The following GRIP1 variants were observed in gnomAD, a reference collection of about 807,000 sequenced individuals.
The protein encoded by GRIP1 is glutamate receptor-interacting protein 1.
In GRIP1, 45 loss-of-function variants were observed where a neutral mutation model predicts 129.9. That is an observed-to-expected ratio of 0.35 (90% CI 0.27 to 0.44). GRIP1 has a LOEUF of 0.44. Among genes scored for constraint, GRIP1 ranks in the 20% least tolerant of loss-of-function variants. The probability of loss-of-function intolerance (pLI) is 1.00; values close to 1 mark genes in which losing one functional copy is unlikely to be tolerated. For missense variants in GRIP1, 1,196 were observed against 1,396.8 expected (o/e 0.86, Z 2.29); for synonymous variants, 530 against 520.8 (o/e 1.02, Z -0.24).
intron 1 of GRIP1, among the ~76,000 whole-genome samples, chr12:66,904,120 C>T (rs74098139): frequency 1.5e-3 from 235 of 152,170 alleles, no homozygotes; most frequent in African/African-American, 5.2e-3. Context: ...AGGTTCATAC[C>T]CTTTATATAA....
intron 1 of GRIP1, among the ~76,000 whole-genome samples, chr12:66,965,549 TTGTG>T (rs368637185): frequency 0.058 from 7,458 of 128,208 alleles, 238 homozygotes; most frequent in African/African-American, 0.072. Flanking sequence ...AAAAGAAACA[TTGTG>T]TGTGTGTGTG....
At chr12:66,462,750 C>T (rs796656480) in intron 9 of GRIP1, among the ~76,000 whole-genome samples, 174 bp downstream of exon 9, 6 of 142,724 alleles carry the variant, frequency 4.2e-5, no homozygotes, top group African/African-American at 8.0e-5. Context: ...TGGAGTCAAC[C>T]GAGATCATGC....
intron 1 of GRIP1, among the ~76,000 whole-genome samples, chr12:66,767,281 T>G (rs759382196): frequency 5.3e-5 from 8 of 152,072 alleles, no homozygotes; most frequent in Non-Finnish European, 1.0e-4. Flanking sequence ...TAACAAGATG[T>G]CTTCTCTGAG....
At chr12:66,646,278 G>A (rs1291589779) in intron 1 of GRIP1, among the ~76,000 whole-genome samples, 1 of 152,156 alleles carries the variant, frequency 6.6e-6, no homozygotes, top group Non-Finnish European at 1.5e-5. Context: ...TTGATTGATA[G>A]ATGATTAGTT....
intron 1 of GRIP1, among the ~76,000 whole-genome samples, chr12:66,832,271 G>A (rs1214612927): frequency 3.3e-5 from 5 of 152,076 alleles, no homozygotes; most frequent in South Asian, 2.1e-4. Flanking sequence ...TAATCGATTC[G>A]AATGTCAGAC....
intron 1 of GRIP1, among the ~76,000 whole-genome samples, chr12:66,759,056 A>AT (rs1185231467): frequency 2.0e-5 from 3 of 152,086 alleles, no homozygotes; most frequent in African/African-American, 7.2e-5. Context: ...GGGTGCTCCC[A>AT]CCCCAGATTT....
chr12:66,559,941 A>C (rs2062461909), intron 2 of GRIP1, among the ~76,000 whole-genome samples: 1 of 152,150 alleles, frequency 6.6e-6, no homozygotes, highest in Non-Finnish European at 1.5e-5. Flanking sequence ...ATAGTAGCCA[A>C]AACTGCATGG....
intron 1 of GRIP1, among the ~76,000 whole-genome samples, chr12:66,666,911 C>A (rs1392615853): frequency 6.6e-6 from 1 of 150,644 alleles, no homozygotes; most frequent in Admixed American, 6.6e-5. Flanking sequence ...TGATAAAAAT[C>A]TGACACGAAG....
intron 1 of GRIP1, among the ~76,000 whole-genome samples, chr12:66,841,382 T>C (rs977010243): frequency 6.6e-6 from 1 of 152,174 alleles, no homozygotes; most frequent in Non-Finnish European, 1.5e-5. Context: ...TGTGCTAGTA[T>C]TGAGGAATAG....
chr12:66,600,677 C>T (rs2139791746), intron 1 of GRIP1, among the ~76,000 whole-genome samples: 1 of 152,296 alleles, frequency 6.6e-6, no homozygotes, highest in Non-Finnish European at 1.5e-5. Context: ...ATATTTCCTT[C>T]CATTTTCATT....
At chr12:66,440,579 G>A (rs979306249) in intron 13 of GRIP1, among the ~76,000 whole-genome samples, 6 of 152,068 alleles carry the variant, frequency 3.9e-5, no homozygotes, top group African/African-American at 1.2e-4. Flanking sequence ...GTCTTTCTGT[G>A]TCTCACAACC....
chr12:66,755,292 T>TA (rs2037252579), intron 1 of GRIP1, among the ~76,000 whole-genome samples: 1 of 152,196 alleles, frequency 6.6e-6, no homozygotes, highest in African/African-American at 2.4e-5. Flanking sequence ...CATTATGTGA[T>TA]AAATAACTAA....
chr12:66,457,147 T>A (rs947338038), intron 9 of GRIP1, among the ~76,000 whole-genome samples: 1 of 152,194 alleles, frequency 6.6e-6, no homozygotes, highest in African/African-American at 2.4e-5. Context: ...CATTCTAGCT[T>A]CAATATTAAG....
At chr12:66,673,591 A>T (rs2034183672) in intron 1 of GRIP1, among the ~76,000 whole-genome samples, 1 of 152,242 alleles carries the variant, frequency 6.6e-6, no homozygotes, top group Non-Finnish European at 1.5e-5. Context: ...GGGGAGAAAT[A>T]AATGCGCCAT....
At chr12:66,672,710 C>T (rs759823807) in intron 1 of GRIP1, among the ~76,000 whole-genome samples, 1 of 152,014 alleles carries the variant, frequency 6.6e-6, no homozygotes, top group East Asian at 1.9e-4. Context: ...TGTATTTTGC[C>T]TCCTCTCAAA....
rs1450918887 is a variant in GRIP1 at position 66,711,749 on chromosome 12, T to A, written c.-419-81413A>T. 4.5e-4 allele frequency among the ~76,000 whole-genome samples: 68 copies of A among 151,966 alleles called. 1 individual carries two copies. Among genetic ancestry groups the A allele is most frequent in the African/African-American group, 1.6e-3 (68 of 41,520 alleles). ...CCTACCAACAATATTCTTTAGGGAC[T>A]CAAAATTGGCCTGTCTGGGTCTGCC... On this transcript the variant is annotated intron_variant, in intron 1 of 4. Transcript: ENST00000538373.
At chr12:66,687,568 A>G (rs926431988) in intron 1 of GRIP1, among the ~76,000 whole-genome samples, 15 of 152,204 alleles carry the variant, frequency 9.9e-5, no homozygotes, top group African/African-American at 3.6e-4. Context: ...TTGCTGGAAA[A>G]GTATATTCAC....
chr12:66,660,114 C>G (rs1279435582), intron 1 of GRIP1, among the ~76,000 whole-genome samples: 2 of 152,122 alleles, frequency 1.3e-5, no homozygotes. Context: ...ACGGCCTCAG[C>G]CCAACTATTC....
intron 7 of GRIP1, among the ~76,000 whole-genome samples, chr12:66,507,429 C>T (rs1045311343): frequency 9.1e-5 from 13 of 142,470 alleles, no homozygotes; most frequent in Admixed American, 4.2e-4. Context: ...AAGAGCGAGA[C>T]TCCATTTCAA....
Sources: allele counts gnomAD v4.1 joint callset (sites outside exome capture counted in the v4.1 genomes callset), GRCh38; gene constraint gnomAD v4.1.1; transcripts MANE v1.5; gene names NCBI Gene and HGNC (gene_info 2026-07-23, HGNC 2026-07-21).